Variants in MGST2 observed in about 807,000 individuals in gnomAD.
MGST2 encodes the protein glutathione peroxidase MGST2.
MGST2 carries 9 observed loss-of-function variants against 16.6 expected under a neutral mutation model. The observed-to-expected ratio is 0.54, with a 90% CI of 0.33 to 0.95. The LOEUF (loss-of-function observed/expected upper bound fraction) is 0.95. Among genes scored for constraint, MGST2 ranks in the 40% least tolerant of loss-of-function variants. MGST2 has a pLI of 0.03. For synonymous variants in MGST2, 79 were observed against 68.0 expected (o/e 1.16, Z -0.79); for missense variants, 159 against 175.1 (o/e 0.91, Z 0.52).
At chr4:139,724,032 C>T (rs79461589) in intron 5 of MGST2, among the ~76,000 whole-genome samples, 1,900 of 152,254 alleles carry the variant, frequency 0.012, 21 homozygotes, top group African/African-American at 0.043. Flanking sequence ...TGACTAGTCC[C>T]CACTCTTCCG....
At chr4:139,713,626 A>T (rs1727825994) in intron 5 of MGST2, among the ~76,000 whole-genome samples, 1 of 152,156 alleles carries the variant, frequency 6.6e-6, no homozygotes, top group Admixed American at 6.5e-5. Context: ...AATTAAGCTG[A>T]CTTCTAACCA....
chr4:139,677,482 T>C (rs948780464), intron 1 of MGST2, among the ~76,000 whole-genome samples: 8 of 151,650 alleles, frequency 5.3e-5, no homozygotes, highest in Non-Finnish European at 1.0e-4. Context: ...ATACACAATT[T>C]AGTCTGGCTC....
intron 1 of MGST2, among the ~76,000 whole-genome samples, chr4:139,670,791 G>A (rs1730645621): frequency 6.6e-6 from 1 of 151,840 alleles, no homozygotes; most frequent in Non-Finnish European, 1.5e-5. Context: ...GCACTCACCT[G>A]TAATCCCAGC....
At chr4:139,683,931 T>C (rs983878582) in intron 2 of MGST2, among the ~76,000 whole-genome samples, 1 of 146,350 alleles carries the variant, frequency 6.8e-6, no homozygotes, top group Non-Finnish European at 1.5e-5. Context: ...TTTTTTTTTT[T>C]TTTTTTTTTT....
At chr4:139,691,691 G>GATT (rs1202163581) in intron 2 of MGST2, among the ~76,000 whole-genome samples, 9 of 129,998 alleles carry the variant, frequency 6.9e-5, no homozygotes, top group East Asian at 2.5e-4. Flanking sequence ...TGATGATGAT[G>GATT]ATGATGATTA....
In MGST2 at chr4:139,678,781, G is replaced by C. The variant is rs550791325; in HGVS notation, c.158+139G>C. 2.1e-4 allele frequency: 157 copies of C among 740,286 alleles called. 1 individual carries two copies. The South Asian group carries it at 2.3e-3, about 11-fold the overall frequency. 45.9% of individuals were successfully genotyped at this position (740,286 alleles called of 1,614,324 possible). On this transcript the variant is annotated intron_variant, in intron 2 of 4. Coordinates refer to ENST00000265498, the MANE Select transcript of MGST2 (RefSeq NM_002413.5). ...ATAACAAGTCACTCTTCACAGCCAAGACCGTTCTCAGAATCCAGAAAGTTT... is the reference window on the plus strand; with the variant it reads ...ATAACAAGTCACTCTTCACAGCCAACACCGTTCTCAGAATCCAGAAAGTTT...
At chr4:139,738,286 G>A (rs1042749419) in intron 5 of MGST2, among the ~76,000 whole-genome samples, 1 of 152,268 alleles carries the variant, frequency 6.6e-6, no homozygotes, top group African/African-American at 2.4e-5. Context: ...GCTCACGCCT[G>A]TAATCCCAGC....
At chr4:139,666,117 CGTGT>C (rs1553943707) in intron 1 of MGST2, 40 bp downstream of exon 1, 56 of 1,024,718 alleles carry the variant, frequency 5.5e-5, no homozygotes, top group Non-Finnish European at 7.1e-5. Context: ...CGCGTGTGTG[CGTGT>C]GTGTGTGTGT....
At chr4:139,685,158 G>C (rs570109251) in intron 2 of MGST2, 1 of 152,488 alleles carries the variant, frequency 6.6e-6, no homozygotes, top group Non-Finnish European at 1.5e-5. Flanking sequence ...TGTCTTTCCC[G>C]CAGAATTTTG....
At chr4:139,752,408 T>C in the MGST2 span, among the ~76,000 whole-genome samples, 1 of 152,148 alleles carries the variant, frequency 6.6e-6, no homozygotes, top group East Asian at 1.9e-4. Context: ...ACCCAACTCC[T>C]CTTCCAGTGT....
intron 5 of MGST2, among the ~76,000 whole-genome samples, chr4:139,722,167 C>T (rs1304896902): frequency 6.6e-6 from 1 of 152,112 alleles, no homozygotes; most frequent in African/African-American, 2.4e-5. Context: ...CTTTAGAGGG[C>T]AGAAGCGTTA....
rs774656439 is a variant in MGST2 at position 139,703,507 on chromosome 4, C to A, written c.282C>A (p.Phe94Leu). ...ACATATATGGCCGTCACCTATACTT[C>A]TGGGGATATTCAGAAGCTGCTAAAA... ...LVYIYGRHLY[F>L]WGYSEAAKKR... is the part of the protein sequence containing the mutation. The change falls in exon 4 of 5, where the codon TTC becomes TTA. Residue 94 changes from phenylalanine to leucine, a missense_variant. Phe to Leu is a conservative substitution (Grantham distance 22). Coordinates refer to ENST00000265498, the MANE Select transcript of MGST2 (RefSeq NM_002413.5). The A allele has an allele frequency of 6.2e-7, 1 of 1,613,646 alleles. No homozygotes were observed. The highest frequency in any genetic ancestry group is 8.5e-7 in the Non-Finnish European group (1 of 1,179,944).
rs140070091 is a variant in MGST2 at position 139,702,132 on chromosome 4, T to A, written c.230-1323T>A. Among the ~76,000 whole-genome samples, 5 of 152,332 alleles carry A rather than the reference T, an allele frequency of 3.3e-5. No homozygotes were observed. In the East Asian group the frequency reaches 9.6e-4, roughly 29 times the overall value. ...GGCCCTAACATAGGGAAGACATTGA[T>A]ATGTATTGATATGTTTCACTGGATG... On this transcript the variant is annotated intron_variant, in intron 3 of 4. Coordinates refer to ENST00000265498, the MANE Select transcript of MGST2 (RefSeq NM_002413.5).
chr4:139,713,560 AAG>A lies in MGST2; in HGVS notation c.*48+9368_*48+9369del, dbSNP rs200579491. 5.2e-3 allele frequency among the ~76,000 whole-genome samples: 792 copies of A among 152,228 alleles called. 5 individuals carry two copies. Among genetic ancestry groups the A allele is most frequent in the African/African-American group, 0.018 (752 of 41,546 alleles). On this transcript the variant is annotated intron_variant, in intron 5 of 5. Transcript: ENST00000616265. ...TTTTTCCAGAAAAACAAGTTCCAAA[AAG>A]AGAAAATCATTAATGGCCTTTTAAA...
chr4:139,727,002 G>T (rs571091351), intron 5 of MGST2, among the ~76,000 whole-genome samples: 2 of 152,196 alleles, frequency 1.3e-5, no homozygotes, highest in Non-Finnish European at 2.9e-5. Context: ...CCTTTCATCT[G>T]CAAGGGCTAT....
At chr4:139,678,840 C>G (rs1001781773) in intron 2 of MGST2, 198 bp downstream of exon 2, 1 of 620,820 alleles carries the variant, frequency 1.6e-6, no homozygotes, top group East Asian at 2.8e-5. Context: ...CTGCCCACAT[C>G]TATTACCAAT....
At chr4:139,704,487 G>A (rs376621252), downstream of MGST2, among the ~76,000 whole-genome samples, 42 of 152,284 alleles carry the variant, frequency 2.8e-4, 1 homozygote, top group African/African-American at 9.4e-4. Flanking sequence ...TTGATGGAAA[G>A]TTTCAGACAG....
At chr4:139,744,671 T>C (rs1048045941), downstream of MGST2, among the ~76,000 whole-genome samples, 1 of 152,200 alleles carries the variant, frequency 6.6e-6, no homozygotes, top group Admixed American at 6.5e-5. Context: ...GCAGGGGCTA[T>C]GGTGGGACTC....
At chr4:139,747,407 T>C in the MGST2 span, among the ~76,000 whole-genome samples, 5 of 152,214 alleles carry the variant, frequency 3.3e-5, no homozygotes, top group African/African-American at 1.2e-4. Flanking sequence ...AATGTCTTCC[T>C]TGTAGGTCGG....
Sources: allele counts gnomAD v4.1 joint callset (sites outside exome capture counted in the v4.1 genomes callset), GRCh38; gene constraint gnomAD v4.1.1; transcripts MANE v1.5; gene names NCBI Gene and HGNC (gene_info 2026-07-23, HGNC 2026-07-21).